PYCR1: variants seen among roughly 807,000 people sequenced by gnomAD.
The protein encoded by PYCR1 is pyrroline-5-carboxylate reductase 1, also known as pyrroline-5-carboxylate reductase 1, mitochondrial.
Under a neutral mutation model 22.9 loss-of-function variants are expected in PYCR1, and 19 were observed. That is an observed-to-expected ratio of 0.83 (90% CI 0.58 to 1.22). The LOEUF (loss-of-function observed/expected upper bound fraction) is 1.22. PYCR1 is among the 50% of genes most tolerant of loss of function. The pLI is 0.00. For missense variants in PYCR1, 429 were observed against 431.3 expected, an observed-to-expected ratio of 0.99 and a Z score of 0.05; for synonymous variants, 175 against 180.5, an observed-to-expected ratio of 0.97 and a Z score of 0.24.
In PYCR1 at chr17:81,936,881, G is replaced by A. The variant is rs1311140202; in HGVS notation, c.-67C>T. ...CCGGCTCTGCGGGACGAGACCGGCA[G>A]GATCGAGAGCAAGTTAGGGGGGCAG... On this transcript the variant is annotated 5_prime_UTR_variant, in exon 1 of 7. Coordinates refer to ENST00000329875, the MANE Select transcript of PYCR1 (RefSeq NM_006907.4). The A allele has an allele frequency of 6.4e-7, 1 of 1,562,962 alleles. No individual in the cohort carries two copies.
In PYCR1 at chr17:81,934,395, T is replaced by C. The variant is rs2041098364; in HGVS notation, c.728A>G (p.His243Arg). 2.5e-6 allele frequency: 4 copies of C among 1,612,492 alleles called. No homozygotes were observed. The highest frequency in any genetic ancestry group is 1.1e-5 in the South Asian group (1 of 90,852). ...GCGGAAGCCCCCACTCTCCAGCACA[T>C]GCAAGGCATGGATGGTGGCCCCACC... ...SPGGATIHAL[H>R]VLESGGFRSL... is the part of the protein sequence containing the mutation. The change falls in exon 6 of 7, where the codon CAT (histidine) becomes CGT (arginine). Residue 243 changes from histidine (H) to arginine (R), a missense_variant. Transcript: ENST00000329875.
rs1486133151 is a variant in PYCR1, at chr17:81,936,773, G to T, written c.42C>A (p.Ala14=). 1 of 1,610,340 alleles carries T rather than the reference G, an allele frequency of 6.2e-7. No individual in the cohort carries two copies. The highest frequency in any genetic ancestry group is 8.5e-7 in the Non-Finnish European group (1 of 1,179,132). The change falls in exon 1 of 7, where the codon GCC becomes GCA. Residue 14 remains alanine, a synonymous_variant. Transcript: ENST00000329875. ...GFIGAGQLAF[A]LAKGFTAAGV... The stretch of plus-strand genomic sequence containing the variant: ...CTGCTGCTGTGAAGCCCTTGGCCAG[G>T]GCAAAAGCCAGCTGGCCAGCGCCGA...
At position 81,933,330 on chromosome 17, in the gene PYCR1, T is replaced by C; in HGVS notation, c.844A>G (p.Ile282Val). 6.2e-7 allele frequency: 1 copy of C among 1,613,854 alleles called. No individual in the cohort carries two copies. Among genetic ancestry groups the C allele is most frequent in the Non-Finnish European group, 8.5e-7 (1 of 1,179,956 alleles). ...ACCTTGTCCAGGATGGTCTTCTTGA[T>C]GGCGGCTGGTGACACCTGCTCCTGG... ...ADQEQVSPAAIKKTILDKVKL... is the reference protein window; with the variant it reads ...ADQEQVSPAAVKKTILDKVKL... Residue 282 changes from isoleucine to valine, a missense_variant, in exon 7 of 7, where the codon ATC becomes GTC. By Grantham distance (29) the Ile-to-Val change is conservative. Coordinates refer to ENST00000329875, the MANE Select transcript of PYCR1 (RefSeq NM_006907.4).
chr17:81,937,026 G>A lies in PYCR1; in HGVS notation c.-212C>T. ...TTCGGGGCCCCCAGTCAGAGCGGCG[G>A]TGCCTGGCCTGCTGCCTAGGGTCCC... On this transcript the variant is annotated 5_prime_UTR_variant, in exon 1 of 7. Transcript: ENST00000329875. 1 of 1,455,412 alleles carries A rather than the reference G, an allele frequency of 6.9e-7. No homozygotes were observed. Among genetic ancestry groups the A allele is most frequent in the South Asian group, 1.4e-5 (1 of 71,854 alleles). The allele number at this position is 1,455,412 out of a possible 1,614,324, so 90.2% of individuals were successfully genotyped here.
rs1329318230 is a variant in PYCR1 at position 81,936,822 on chromosome 17, G to A, written c.-8C>T. 17 of 1,605,496 alleles carry A rather than the reference G, an allele frequency of 1.1e-5. No homozygotes were observed. The highest frequency in any genetic ancestry group is 1.4e-5 in the Non-Finnish European group (16 of 1,177,186). ...GATGAAGCCCACGCTCATGCTGTCC[G>A]GAGACCCCTGGCCCAAAGCCCCCAC... On this transcript the variant is annotated 5_prime_UTR_variant, in exon 1 of 7. Coordinates refer to ENST00000329875, the MANE Select transcript of PYCR1 (RefSeq NM_006907.4).
Position 81,933,366 on chromosome 17 carries a change from AC to A in PYCR1, c.807del (p.Gln269HisfsTer22), listed in dbSNP as rs773976380. 2 of 1,613,770 alleles carry A rather than the reference AC, an allele frequency of 1.2e-6. No homozygotes were observed. Among genetic ancestry groups the A allele is most frequent in the South Asian group, 2.2e-5 (2 of 91,082 alleles). On this transcript the variant is annotated frameshift_variant, in exon 7 of 7. Transcript: ENST00000329875. LOFTEE classifies it low-confidence loss of function (END_TRUNC). ...EASCIRTREL[Q>X]SMADQEQVSP... is the part of the protein sequence containing the mutation. ...GACACCTGCTCCTGGTCAGCCATGG[AC>A]TGCAGCTCCCTAGAGAGGCAGGGAG...
chr17:81,934,960 G>A lies in PYCR1; in HGVS notation c.506C>T (p.Ala169Val). The change falls in exon 4 of 7, where the codon GCC becomes GTC. Residue 169 changes from alanine to valine, a missense_variant. Coordinates refer to ENST00000329875, the MANE Select transcript of PYCR1 (RefSeq NM_006907.4). ...GCCGCTGCCACTGAGCCCCGTGACG[G>A]CATCAATCAGGTCCTCTTCCACCTC... is the stretch of plus-strand genomic sequence containing the variant. ...CTEVEEDLID[A>V]VTGLSGSGPA... is the part of the protein sequence containing the mutation. The A allele has an allele frequency of 6.2e-7, 1 of 1,609,390 alleles. No homozygotes were observed. Among genetic ancestry groups the A allele is most frequent in the South Asian group, 1.1e-5 (1 of 91,002 alleles).
Position 81,936,866 on chromosome 17 carries a change from G to T in PYCR1, c.-52C>A. 6.3e-7 allele frequency: 1 copy of T among 1,578,088 alleles called. No individual in the cohort carries two copies. Among genetic ancestry groups the T allele is most frequent in the East Asian group, 2.3e-5 (1 of 43,484 alleles). On this transcript the variant is annotated 5_prime_UTR_variant, in exon 1 of 7. Coordinates refer to ENST00000329875, the MANE Select transcript of PYCR1 (RefSeq NM_006907.4). Reference sequence around the variant, plus strand: ...CCCCCACAGATGGCACCGGCTCTGCGGGACGAGACCGGCAGGATCGAGAGC... The same window carrying T: ...CCCCCACAGATGGCACCGGCTCTGCTGGACGAGACCGGCAGGATCGAGAGC...
chr17:81,933,467 T>A (rs970448397), intron 6 of PYCR1, 91 bp from the exon 7 acceptor site: 10 of 1,477,862 alleles, frequency 6.8e-6, no homozygotes, highest in African/African-American at 1.4e-5. Context: ...CAGTCAGCCC[T>A]GGGCGATGCT....
Position 81,937,089 on chromosome 17 carries a change from G to A in PYCR1, c.-275C>T, listed in dbSNP as rs2041221119. 21 of 1,429,580 alleles carry A rather than the reference G, an allele frequency of 1.5e-5. No homozygotes were observed. Among genetic ancestry groups the A allele is most frequent in the Non-Finnish European group, 1.7e-5 (19 of 1,095,240 alleles). The allele number at this position is 1,429,580 out of a possible 1,614,324, so 88.6% of individuals were successfully genotyped here. On this transcript the variant is annotated 5_prime_UTR_variant, in exon 1 of 7. Transcript: ENST00000329875. ...GGGGTGGAGGTTCCGCAGAAGAAAT[G>A]ACTGGGAAGGGGGAAAAGTACGGGG...
In PYCR1 at chr17:81,935,144, G is replaced by T. The variant is rs142225075; in HGVS notation, c.322C>A (p.Leu108Met). 4 of 1,605,900 alleles carry T rather than the reference G, an allele frequency of 2.5e-6. No homozygotes were observed. Among genetic ancestry groups the T allele is most frequent in the East Asian group, 4.5e-5 (2 of 44,852 alleles). ...CTGGGGGCTGGCCGAAACGCTGACA[G>T]CTTCTGGAAGAGAAACCAGCGTGTC... ...GVTISSIEKK[L>M]SAFRPAPRVI... is the part of the protein sequence containing the mutation. Residue 108 changes from leucine (L) to methionine (M), a missense_variant, in exon 4 of 7, where the codon CTG becomes ATG. Leu to Met is a conservative substitution (Grantham distance 15, BLOSUM62 2). Coordinates refer to ENST00000329875, the MANE Select transcript of PYCR1 (RefSeq NM_006907.4).
At chr17:81,936,102 C>A in intron 2 of PYCR1, 21 bp downstream of exon 2, 1 of 1,612,940 alleles carries the variant, frequency 6.2e-7, no homozygotes, top group Non-Finnish European at 8.5e-7. Context: ...AGTCTCCTTT[C>A]TCCCTTTCAT....
At chr17:81,934,570 T>C in intron 5 of PYCR1, 81 bp from the exon 6 acceptor site, 1 of 1,554,144 alleles carries the variant, frequency 6.4e-7, no homozygotes, top group Non-Finnish European at 8.7e-7. Context: ...TAGCACACAC[T>C]GACGCCCCAC....
At chr17:81,935,199 C>T (rs975950939) in intron 3 of PYCR1, 52 bp from the exon 4 acceptor site, 2 of 1,568,542 alleles carry the variant, frequency 1.3e-6, no homozygotes, top group Middle Eastern at 2.0e-4. Flanking sequence ...TGCCTAGATG[C>T]ACTCACCCCA....
At position 81,933,091 on chromosome 17, in the gene PYCR1, T is replaced by A; in HGVS notation, c.*123A>T. On this transcript the variant is annotated 3_prime_UTR_variant, in exon 7 of 7. Coordinates refer to ENST00000329875, the MANE Select transcript of PYCR1 (RefSeq NM_006907.4). ...AAGTGATGTGGCCCCTCCCTGGCTA[T>A]GTCCCTGGCTGGCCCCTGCGCTGAT... 1.3e-6 allele frequency: 2 copies of A among 1,593,490 alleles called. No homozygotes were observed.
Position 81,934,432 on chromosome 17 carries a change from CGTT to C in PYCR1, c.688_690del (p.Asn230del), listed in dbSNP as rs776952191. On this transcript the variant is annotated inframe_deletion, in exon 6 of 7. Transcript: ENST00000329875. ...ATGGTGGCCCCACCAGGAGAGCTGA[CGTT>C]GTCCTTGAGCTGGCCTGGGTGCTGT... 3 of 1,610,924 alleles carry C rather than the reference CGTT, an allele frequency of 1.9e-6. No individual in the cohort carries two copies. Among genetic ancestry groups the C allele is most frequent in the South Asian group, 2.2e-5 (2 of 90,406 alleles).
Position 81,932,815 on chromosome 17 carries a change from CCGGGAGGGGG to C in PYCR1, c.*389_*398del. On this transcript the variant is annotated 3_prime_UTR_variant, in exon 7 of 7. Transcript: ENST00000329875. Reference sequence around the variant, plus strand: ...TCCCTGAATGGAGGGCAGGGAGGGGCCGGGAGGGGGCGTGGGATCCCACCTCTGCTGAGCC... The same window carrying C: ...TCCCTGAATGGAGGGCAGGGAGGGGCCGTGGGATCCCACCTCTGCTGAGCC... The C allele has an allele frequency of 6.4e-7, 1 of 1,552,370 alleles. No individual in the cohort carries two copies. Among genetic ancestry groups the C allele is most frequent in the Non-Finnish European group, 8.7e-7 (1 of 1,149,444 alleles).
intron 6 of PYCR1, chr17:81,934,082 TGGGGA>T: frequency 3.4e-6 from 2 of 593,190 alleles, no homozygotes; most frequent in Admixed American, 5.2e-5. Context: ...TGAACCTATG[TGGGGA>T]GCACAGGGCA....
In PYCR1 at chr17:81,936,624, T is replaced by C. The variant is rs2272031; in HGVS notation, c.67+124A>G. 5.7e-4 allele frequency: 609 copies of C among 1,061,840 alleles called. 4 individuals are homozygous for C. In the East Asian group the frequency reaches 0.011, roughly 20 times the overall value. The allele number at this position is 1,061,840 out of a possible 1,614,324, so 65.8% of individuals were successfully genotyped here. ...AGGTAAAGCCCCAAACACACAGAAG[T>C]TGCCAGTTCCCGCAGGACTCAGGCC... On this transcript the variant is annotated intron_variant, in intron 1 of 6. Transcript: ENST00000329875.
Sources: allele counts gnomAD v4.1 joint callset, GRCh38; gene constraint gnomAD v4.1.1; transcripts MANE v1.5; gene names NCBI Gene and HGNC (gene_info 2026-07-23, HGNC 2026-07-21).